SLC34A3: variants seen among roughly 807,000 people sequenced by gnomAD.
SLC34A3 encodes solute carrier family 34 member 3, also known as sodium-dependent phosphate transport protein 2C.
A neutral mutation model predicts 43.9 loss-of-function variants in SLC34A3; 60 were observed. The observed-to-expected ratio is 1.37, with a 90% CI of 1.11 to 1.70. The LOEUF (loss-of-function observed/expected upper bound fraction) is 1.70. Ranked by LOEUF, SLC34A3 falls within the 40% of genes most tolerant of loss-of-function variation. SLC34A3 has a pLI of 0.00. For synonymous variants in SLC34A3, 451 were observed against 386.2 expected, an observed-to-expected ratio of 1.17 and a Z score of -1.97; for missense variants, 969 against 823.8, an observed-to-expected ratio of 1.18 and a Z score of -2.16.
At chr9:137,233,567 C>A in intron 7 of SLC34A3, 66 bp from the exon 8 acceptor site, 2 of 1,571,960 alleles carry the variant, frequency 1.3e-6, no homozygotes, top group East Asian at 2.2e-5. Context: ...ACCCCGCGGG[C>A]GCCAGAGCCC....
Position 137,236,023 on chromosome 9 carries a change from GC to G in SLC34A3, c.1410del (p.Ile471SerfsTer10). On this transcript the variant is annotated frameshift_variant, in exon 13 of 13. Coordinates refer to ENST00000673835, the MANE Select transcript of SLC34A3 (RefSeq NM_001177316.2). LOFTEE classifies it low-confidence loss of function (END_TRUNC). ...LWYLVPALRL[P>X]IPLARHFGVV... ...GGTACCTGGTGCCTGCACTGCGGCT[GC>G]CCATCCCGCTGGCCAGGCACTTCGG... 7 of 1,612,630 alleles carry G rather than the reference GC, an allele frequency of 4.3e-6. No homozygotes were observed. In the South Asian group the frequency reaches 7.7e-5, roughly 18 times the overall value.
chr9:137,232,819 G>A lies in SLC34A3; in HGVS notation c.340G>A (p.Val114Met), dbSNP rs911620781. Residue 114 changes from valine (V) to methionine (M), a missense_variant, in exon 5 of 13, where the codon GTG becomes ATG. Transcript: ENST00000673835. ...CGGAGACATCTTCAAGGACAACGTG[G>A]TGCTGTCCAACCCTGTGGCTGGACT... Reference protein sequence around the residue: ...VAGDIFKDNVVLSNPVAGLVI... With the variant: ...VAGDIFKDNVMLSNPVAGLVI... 4 of 1,613,042 alleles carry A rather than the reference G, an allele frequency of 2.5e-6. No individual in the cohort carries two copies. Among genetic ancestry groups the A allele is most frequent in the Non-Finnish European group, 3.4e-6 (4 of 1,180,026 alleles).
Position 137,233,882 on chromosome 9 carries a change from G to A in SLC34A3, c.866G>A (p.Cys289Tyr). 2 of 1,607,316 alleles carry A rather than the reference G, an allele frequency of 1.2e-6. No homozygotes were observed. Among genetic ancestry groups the A allele is most frequent in the Non-Finnish European group, 1.7e-6 (2 of 1,178,364 alleles). ...TGQPTQENSS[C>Y]GAFGPCTEKN... ...CCCCAGACCCAGGAGAACAGCAGCT[G>A]TGGCGCCTTCGGCCCGTGCACAGAG... Residue 289 changes from cysteine (C) to tyrosine (Y), a missense_variant, in exon 9 of 13, where the codon TGT (cysteine) becomes TAT (tyrosine). Transcript: ENST00000673835.
intron 3 of SLC34A3, among the ~76,000 whole-genome samples, 181 bp downstream of exon 3, chr9:137,232,342 G>A (rs954646916): frequency 1.1e-4 from 17 of 152,234 alleles, no homozygotes; most frequent in African/African-American, 3.9e-4. Context: ...GGGGCAGACC[G>A]GCCACCTCTG....
At chr9:137,229,886 T>G (rs1836104323), upstream of SLC34A3, among the ~76,000 whole-genome samples, 1 of 151,966 alleles carries the variant, frequency 6.6e-6, no homozygotes, top group Admixed American at 6.6e-5. Context: ...TACCACCAAG[T>G]CAGTGCTGCA....
rs529437617 is a variant in SLC34A3 at position 137,234,019 on chromosome 9, C to T, written c.925+78C>T. On this transcript the variant is annotated intron_variant, in intron 9 of 12. Transcript: ENST00000673835. This position sits in a 1 kb window ranked among gnomAD's most constrained non-coding sequence, Gnocchi z 6.9. ...GGCCCCTACATGGAGAGGAACAGCA[C>T]AGCCCCGGCGGACAGGCTGCCCTGT... The T allele has an allele frequency of 2.0e-6, 3 of 1,518,062 alleles. No homozygotes were observed. The highest frequency in any genetic ancestry group is 2.7e-6 in the Non-Finnish European group (3 of 1,130,608). The allele number at this position is 1,518,062 out of a possible 1,614,324, so 94.0% of individuals were successfully genotyped here. A position where few individuals can be genotyped will look rare whatever the true frequency, so the allele number is the denominator to read the frequency against.
chr9:137,233,468 C>G, intron 7 of SLC34A3, 64 bp downstream of exon 7: 1 of 1,581,790 alleles, frequency 6.3e-7, no homozygotes, highest in African/African-American at 1.3e-5. Context: ...AGGGGAGGCC[C>G]GCCCTGCCCT....
intron 3 of SLC34A3, 103 bp downstream of exon 3, chr9:137,232,264 G>A: frequency 8.6e-7 from 1 of 1,159,518 alleles, no homozygotes; most frequent in Admixed American, 1.8e-5. Flanking sequence ...GCTGTGTGTG[G>A]GGAACTCCGC....
upstream of SLC34A3, among the ~76,000 whole-genome samples, chr9:137,230,386 G>A (rs981275005): frequency 5.3e-5 from 8 of 152,168 alleles, no homozygotes; most frequent in South Asian, 4.1e-4. Flanking sequence ...CTCTGACCTC[G>A]GGCTGGGTGC....
intron 3 of SLC34A3, 147 bp downstream of exon 3, chr9:137,232,308 T>C: frequency 1.2e-6 from 1 of 857,920 alleles, no homozygotes; most frequent in Non-Finnish European, 1.8e-6. Flanking sequence ...CACGTGTCCC[T>C]CAACCGGGTG....
intron 9 of SLC34A3, 52 bp downstream of exon 9, chr9:137,233,993 C>A: frequency 6.7e-7 from 1 of 1,503,012 alleles, no homozygotes; most frequent in Non-Finnish European, 8.9e-7. Context: ...TCCCCCTCAC[C>A]GGCCCCTACA....
chr9:137,232,246 C>A, intron 3 of SLC34A3, 85 bp downstream of exon 3: 1 of 1,312,514 alleles, frequency 7.6e-7, no homozygotes, highest in Non-Finnish European at 1.1e-6. Context: ...TGGGGCCTGC[C>A]CAAACAGGCT....
chr9:137,233,780 C>CT, intron 8 of SLC34A3, 58 bp downstream of exon 8: 3 of 660,122 alleles, frequency 4.5e-6, no homozygotes, highest in Non-Finnish European at 5.1e-6. Context: ...GCTGAGTCAT[C>CT]CCGCCCCACC....
In SLC34A3 at chr9:137,232,664, T is replaced by A. The variant is rs1171956977; in HGVS notation, c.265T>A (p.Ser89Thr). 30 of 1,612,668 alleles carry A rather than the reference T, an allele frequency of 1.9e-5. No homozygotes were observed. The highest frequency in any genetic ancestry group is 2.5e-5 in the Non-Finnish European group (29 of 1,179,922). Reference protein sequence around the residue: ...LLGSLYFFICSLDVLSSAFQL... With the variant: ...LLGSLYFFICTLDVLSSAFQL... ...CGGCAGCCTGTACTTCTTCATCTGC[T>A]CTCTGGACGTCCTCAGCTCCGCCTT... The change falls in exon 4 of 13, where the codon TCT (serine) becomes ACT (threonine). Residue 89 changes from serine to threonine, a missense_variant. Ser to Thr is a moderately conservative substitution (Grantham distance 58, BLOSUM62 1). Transcript: ENST00000673835.
In SLC34A3 at chr9:137,232,854, C is replaced by A. The variant is rs142873841; in HGVS notation, c.375C>A (p.Gly125=). The A allele has an allele frequency of 6.4e-5, 104 of 1,612,482 alleles. No homozygotes were observed. Among genetic ancestry groups the A allele is most frequent in the Non-Finnish European group, 8.3e-5 (98 of 1,179,818 alleles). The change falls in exon 5 of 13, where the codon GGC becomes GGA. Residue 125 remains glycine (G), a synonymous_variant. Coordinates refer to ENST00000673835, the MANE Select transcript of SLC34A3 (RefSeq NM_001177316.2). Reference sequence around the variant, plus strand: ...ACCCTGTGGCTGGACTGGTCATTGGCGTGCTGGTCACAGCCCTGGTGCAGA... The same window carrying A: ...ACCCTGTGGCTGGACTGGTCATTGGAGTGCTGGTCACAGCCCTGGTGCAGA... ...LSNPVAGLVI[G]VLVTALVQSS...
chr9:137,233,016 G>C lies in SLC34A3; in HGVS notation c.461G>C (p.Arg154Pro), dbSNP rs748257761. 6.8e-6 allele frequency: 11 copies of C among 1,611,738 alleles called. No individual in the cohort carries two copies. Among genetic ancestry groups the C allele is most frequent in the Non-Finnish European group, 9.3e-6 (11 of 1,179,754 alleles). The stretch of plus-strand genomic sequence containing the variant: ...CCCCCACCAGCAGTGCTGACTGTCC[G>C]GGTGTCTGTGCCCATCATCATGGGT... Reference protein sequence around the residue: ...SMVAAKLLTVRVSVPIIMGVN... With the variant: ...SMVAAKLLTVPVSVPIIMGVN... The change falls in exon 6 of 13, where the codon CGG becomes CCG. Residue 154 changes from arginine to proline, a missense_variant. Physicochemically the swap from Arg to Pro is moderately radical, Grantham distance 103. Transcript: ENST00000673835.
chr9:137,236,327 C>T lies in SLC34A3; in HGVS notation c.1711C>T (p.Pro571Ser), dbSNP rs1156735823. The T allele has an allele frequency of 4.8e-5, 74 of 1,542,504 alleles. No individual in the cohort carries two copies. Among genetic ancestry groups the T allele is most frequent in the Non-Finnish European group, 6.4e-5 (73 of 1,146,808 alleles). The change falls in exon 13 of 13, where the codon CCC becomes TCC. Residue 571 changes from proline to serine, a missense_variant. Pro to Ser is a moderately conservative substitution (Grantham distance 74). Coordinates refer to ENST00000673835, the MANE Select transcript of SLC34A3 (RefSeq NM_001177316.2). Reference protein sequence around the residue: ...PWDRLVTRCCPCNVCSPPKAT... With the variant: ...PWDRLVTRCCSCNVCSPPKAT... ...GGACCGCCTGGTGACCCGCTGCTGC[C>T]CCTGCAACGTCTGCAGCCCCCCGAA...
intron 12 of SLC34A3, 97 bp from the exon 13 acceptor site, chr9:137,235,855 G>T: frequency 9.1e-7 from 1 of 1,099,028 alleles, no homozygotes. Context: ...CTTCAGACTT[G>T]GCGCTCCTTC....
chr9:137,233,779 T>TTGGGGCCCCCCCCCCCCCCCCC, intron 8 of SLC34A3, 57 bp downstream of exon 8: 3 of 1,445,742 alleles, frequency 2.1e-6, no homozygotes, highest in East Asian at 2.3e-5. Flanking sequence ...TGCTGAGTCA[T>TTGGGGCCCCCCCCCCCCCCCCC]CCCGCCCCAC....
Sources: gnomAD v4.1 joint callset for allele counts (sites outside exome capture counted in the v4.1 genomes callset) on GRCh38, gnomAD v4.1.1 for gene constraint, Gnocchi (gnomAD v3.1) non-coding constraint, MANE v1.5 for transcripts, NCBI Gene and HGNC (gene_info 2026-07-23, HGNC 2026-07-21) for gene names.